IQCH: variants seen among roughly 807,000 people sequenced by gnomAD.
IQCH encodes the protein IQ domain-containing protein H.
Under a neutral mutation model 117.0 loss-of-function variants are expected in IQCH, and 98 were observed. The ratio of observed to expected loss-of-function variants is 0.84; its 90% CI spans 0.71 to 0.99. IQCH has a LOEUF of 0.99. IQCH is among the 50% of genes least tolerant of loss of function. IQCH has a pLI of 0.00. For missense variants in IQCH, 1,102 were observed against 1,243.8 expected (o/e 0.89, Z 1.72); for synonymous variants, 412 against 448.2 (o/e 0.92, Z 1.02).
chr15:67,316,296 G>A (rs776793278), intron 4 of IQCH, among the ~76,000 whole-genome samples: 6 of 152,116 alleles, frequency 3.9e-5, no homozygotes, highest in African/African-American at 7.2e-5. Flanking sequence ...TCATTTAAAA[G>A]TTTACTCCAT....
Position 67,500,783 on chromosome 15 carries a change from C to A in IQCH, c.*37C>A. The A allele has an allele frequency of 1.7e-6, 2 of 1,189,128 alleles. No individual in the cohort carries two copies. Among genetic ancestry groups the A allele is most frequent in the South Asian group, 1.5e-5 (1 of 67,486 alleles). The allele number at this position is 1,189,128 out of a possible 1,614,324, so 73.7% of individuals were successfully genotyped here. A position where few individuals can be genotyped will look rare whatever the true frequency, so the allele number is the denominator to read the frequency against. On this transcript the variant is annotated 3_prime_UTR_variant, in exon 21 of 21. Transcript: ENST00000335894. This position sits in a 1 kb window ranked among gnomAD's most constrained non-coding sequence, Gnocchi z 4.4. ...AGTACATAACAATTTGGATCCCAGT[C>A]TGGAATAAAAAGGGCAATTTTTTTT...
At chr15:67,487,429 AACACACAC>A (rs111875205) in intron 18 of IQCH, among the ~76,000 whole-genome samples, 127 of 148,198 alleles carry the variant, frequency 8.6e-4, no homozygotes, top group South Asian at 1.5e-3. Context: ...ACTTAAGGAA[AACACACAC>A]ACACACACAC....
rs1280281727 is a variant in IQCH at position 67,369,846 on chromosome 15, C to G, written c.754-2265C>G. Among the ~76,000 whole-genome samples, 1 of 152,172 alleles carries G rather than the reference C, an allele frequency of 6.6e-6. No homozygotes were observed. The highest frequency in any genetic ancestry group is 1.5e-5 in the Non-Finnish European group (1 of 68,044). On this transcript the variant is annotated intron_variant, in intron 8 of 20. Transcript: ENST00000335894. The surrounding 1 kb of genome is among the most constrained non-coding windows in gnomAD (Gnocchi z 5.2). ...CTTTTCTTGCTCCAAGTCTAAAGTG[C>G]TCCCAAGTGTGGCATTCTCTGTGAC...
rs1049353288 is a variant in IQCH, at chr15:67,416,167, G to A, written c.2098-764G>A. Among the ~76,000 whole-genome samples, 2 of 152,176 alleles carry A rather than the reference G, an allele frequency of 1.3e-5. No homozygotes were observed. The highest frequency in any genetic ancestry group is 2.9e-5 in the Non-Finnish European group (2 of 68,004). On this transcript the variant is annotated intron_variant, in intron 14 of 20. Transcript: ENST00000335894. The surrounding 1 kb of genome is among the most constrained non-coding windows in gnomAD (Gnocchi z 5.1). ...GGAGGCCAAGGCGGGTGGATCACCT[G>A]AGGTCAGGAGTTCGAGATCAGTATG...
rs1241016117 is a variant in IQCH, at chr15:67,281,562, A to G, written c.387+2050A>G. ...TGTGTGTAGATGCAGCCTCCTTCAG[A>G]GAGAATAGATGGCAAATGTTTCTTT... On this transcript the variant is annotated intron_variant, in intron 4 of 20. Transcript: ENST00000335894. 2.4e-5 allele frequency: 9 copies of G among 373,668 alleles called. No individual in the cohort carries two copies. In the East Asian group the frequency reaches 6.6e-4, roughly 28 times the overall value. 23.1% of individuals were successfully genotyped at this position (373,668 alleles called of 1,614,324 possible). A position where few individuals can be genotyped will look rare whatever the true frequency, so the allele number is the denominator to read the frequency against.
rs1334248982 is a variant in IQCH at position 67,458,572 on chromosome 15, C to T, written c.2506-6555C>T. ...CATCACTCCTCCACTCAACACTCTC[C>T]AGTGCATTCCCAGCCTCCACAGCTG... On this transcript the variant is annotated intron_variant, in intron 16 of 20. Coordinates refer to ENST00000335894, the MANE Select transcript of IQCH (RefSeq NM_001031715.3). The surrounding 1 kb of genome is among the most constrained non-coding windows in gnomAD (Gnocchi z 4.1). 6.6e-6 allele frequency among the ~76,000 whole-genome samples: 1 copy of T among 152,228 alleles called. No homozygotes were observed. The highest frequency in any genetic ancestry group is 1.9e-4 in the East Asian group (1 of 5,198).
intron 3 of IQCH, among the ~76,000 whole-genome samples, chr15:67,274,949 C>T (rs938764206): frequency 6.6e-6 from 1 of 152,134 alleles, no homozygotes; most frequent in Admixed American, 6.6e-5. Flanking sequence ...TGGAAGAGGT[C>T]CCAAAGGGGA....
intron 4 of IQCH, among the ~76,000 whole-genome samples, chr15:67,315,751 C>T (rs1276130179): frequency 6.6e-6 from 1 of 152,088 alleles, no homozygotes; most frequent in Non-Finnish European, 1.5e-5. Flanking sequence ...GACTACATTC[C>T]CTTTTTGAAT....
intron 4 of IQCH, among the ~76,000 whole-genome samples, chr15:67,336,746 G>C (rs895627920): frequency 2.0e-5 from 3 of 152,014 alleles, no homozygotes; most frequent in Non-Finnish European, 4.4e-5. Flanking sequence ...TTTATATAGT[G>C]GAAATCACAA....
chr15:67,418,876 C>G (rs2081649236), intron 15 of IQCH, among the ~76,000 whole-genome samples: 1 of 151,902 alleles, frequency 6.6e-6, no homozygotes, highest in African/African-American at 2.4e-5. Context: ...CTACGCCCAG[C>G]CTAATAAGGT....
intron 4 of IQCH, among the ~76,000 whole-genome samples, chr15:67,335,058 CACACACACACGT>C (rs1968832174): frequency 6.6e-6 from 1 of 152,126 alleles, no homozygotes; most frequent in African/African-American, 2.4e-5. Flanking sequence ...AACACATACA[CACACACACACGT>C]GCACACACAC....
chr15:67,353,421 G>A (rs946377311), intron 6 of IQCH, among the ~76,000 whole-genome samples: 5 of 150,600 alleles, frequency 3.3e-5, no homozygotes, highest in East Asian at 2.0e-4. Context: ...GTGCAATGGC[G>A]TGATCTCAGC....
rs1457607776 is a variant in IQCH, at chr15:67,366,218, C to T, written c.754-5893C>T. The stretch of plus-strand genomic sequence containing the variant: ...CCTGTCAGGCTTCCTGTCCACATCC[C>T]CAGCAGGTTCAACCCATCCATCATA... On this transcript the variant is annotated intron_variant, in intron 8 of 20. Coordinates refer to ENST00000335894, the MANE Select transcript of IQCH (RefSeq NM_001031715.3). This position sits in a 1 kb window ranked among gnomAD's most constrained non-coding sequence, Gnocchi z 4.4. Among the ~76,000 whole-genome samples, 1 of 152,128 alleles carries T rather than the reference C, an allele frequency of 6.6e-6. No homozygotes were observed. The highest frequency in any genetic ancestry group is 1.5e-5 in the Non-Finnish European group (1 of 68,028).
In IQCH at chr15:67,322,807, G is replaced by A. The variant is rs200524574; in HGVS notation, c.388-14168G>A. ...TGTGGGGGGTGGTTCCCCACCACCA[G>A]TTGGGTGGTTTATCTTCCAGTCTTG... is the stretch of plus-strand genomic sequence containing the variant. On this transcript the variant is annotated intron_variant, in intron 4 of 20. Coordinates refer to ENST00000335894, the MANE Select transcript of IQCH (RefSeq NM_001031715.3). 1.3e-4 allele frequency among the ~76,000 whole-genome samples: 16 copies of A among 119,786 alleles called. No individual in the cohort carries two copies. The East Asian group carries it at 3.6e-3, about 27-fold the overall frequency. 78.6% of individuals were successfully genotyped at this position (119,786 alleles called of 152,430 possible).
chr15:67,489,360 T>G (rs1409153104), intron 18 of IQCH, among the ~76,000 whole-genome samples: 2 of 126,750 alleles, frequency 1.6e-5, no homozygotes, highest in Non-Finnish European at 3.4e-5. Context: ...AATTTTGCTC[T>G]TGTTGCCCAG....
At chr15:67,487,453 C>CAT (rs1467289422) in intron 18 of IQCH, among the ~76,000 whole-genome samples, 7 of 151,112 alleles carry the variant, frequency 4.6e-5, no homozygotes, top group Non-Finnish European at 1.0e-4. Context: ...CACACACACA[C>CAT]ACACAACCCT....
chr15:67,434,844 C>T (rs62016031), intron 16 of IQCH, among the ~76,000 whole-genome samples: 22,495 of 146,860 alleles, frequency 0.15, 2,089 homozygotes, highest in African/African-American at 0.26. Flanking sequence ...AGTGCAGTGG[C>T]GTGGCTCACT....
rs1971147303 is a variant in IQCH at position 67,387,568 on chromosome 15, C to T, written c.1457-1263C>T. Reference sequence around the variant, plus strand: ...GAACACTACTTCATGTTAAATCTTGCACTGATCAAAAGGAATGTAGGTGTG... The same window carrying T: ...GAACACTACTTCATGTTAAATCTTGTACTGATCAAAAGGAATGTAGGTGTG... On this transcript the variant is annotated intron_variant, in intron 11 of 20. Coordinates refer to ENST00000335894, the MANE Select transcript of IQCH (RefSeq NM_001031715.3). The surrounding 1 kb of genome is among the most constrained non-coding windows in gnomAD (Gnocchi z 4.8). Among the ~76,000 whole-genome samples the T allele has an allele frequency of 1.3e-5, 2 of 152,018 alleles. No homozygotes were observed. Among genetic ancestry groups the T allele is most frequent in the Non-Finnish European group, 2.9e-5 (2 of 67,990 alleles).
In IQCH at chr15:67,459,736, G is replaced by A. The variant is rs966853011; in HGVS notation, c.2506-5391G>A. ...GCAGCTGTGGTTCACACGGCATCCA[G>A]CACAGTAGCAGTCAGGGCAGTGGAG... On this transcript the variant is annotated intron_variant, in intron 16 of 20. Coordinates refer to ENST00000335894, the MANE Select transcript of IQCH (RefSeq NM_001031715.3). The surrounding 1 kb of genome is among the most constrained non-coding windows in gnomAD (Gnocchi z 4.2). 72 of 152,340 alleles carry A rather than the reference G, an allele frequency of 4.7e-4. No homozygotes were observed. Among genetic ancestry groups the A allele is most frequent in the African/African-American group, 1.7e-3 (70 of 41,464 alleles). The allele number at this position is 152,340 out of a possible 1,614,324, so 9.4% of individuals were successfully genotyped here.
Sources: allele counts gnomAD v4.1 joint callset (sites outside exome capture counted in the v4.1 genomes callset), GRCh38; gene constraint gnomAD v4.1.1; non-coding constraint Gnocchi (gnomAD v3.1); transcripts MANE v1.5; gene names NCBI Gene and HGNC (gene_info 2026-07-23, HGNC 2026-07-21).